The following KLHL32 variants were observed in gnomAD, a reference collection of about 807,000 sequenced individuals.
KLHL32 encodes kelch like family member 32.
Under a neutral mutation model 64.8 loss-of-function variants are expected in KLHL32, and 35 were observed. The ratio of observed to expected loss-of-function variants is 0.54; its 90% CI spans 0.41 to 0.72. The LOEUF (loss-of-function observed/expected upper bound fraction) is 0.72, where lower values mean the gene tolerates loss of function less well. Ranked by LOEUF, KLHL32 falls within the 30% of genes least tolerant of loss-of-function variation. The pLI, the probability that KLHL32 is intolerant of heterozygous loss-of-function variation, is 0.00. For missense variants in KLHL32, 589 were observed against 768.5 expected (o/e 0.77, Z 2.76); for synonymous variants, 259 against 281.0 (o/e 0.92, Z 0.78).
intron 3 of KLHL32, among the ~76,000 whole-genome samples, chr6:97,003,169 G>T (rs1460630853): frequency 1.3e-5 from 2 of 152,048 alleles, no homozygotes; most frequent in African/African-American, 4.8e-5. Flanking sequence ...GTTATTTTCT[G>T]ACTTTTTAAT....
At chr6:97,079,444 T>A (rs1792136752) in intron 5 of KLHL32, among the ~76,000 whole-genome samples, 2 of 152,192 alleles carry the variant, frequency 1.3e-5, no homozygotes, top group South Asian at 2.1e-4. Flanking sequence ...TAACTACACT[T>A]GAATATAAAC....
At chr6:96,932,205 AT>A (rs71012578) in intron 1 of KLHL32, among the ~76,000 whole-genome samples, 7,976 of 104,374 alleles carry the variant, frequency 0.076, 245 homozygotes, top group African/African-American at 0.11. Context: ...TGACTGGGTT[AT>A]TTTTTTTTTT....
Position 96,967,065 on chromosome 6 carries a change from C to A in KLHL32, c.5C>A (p.Pro2Gln). The stretch of plus-strand genomic sequence containing the variant: ...CCTGAGGAACCCAGCTGGAAAATGC[C>A]GTCTGAACGCTGCCTCAGGTATGCC... MPSERCLSIQEM... is the reference protein window; with the variant it reads MQSERCLSIQEM... The change falls in exon 2 of 11, where the codon CCG (proline) becomes CAG (glutamine). Residue 2 changes from proline (P) to glutamine (Q), a missense_variant. Coordinates refer to ENST00000369261, the MANE Select transcript of KLHL32 (RefSeq NM_052904.4). 1 of 1,613,666 alleles carries A rather than the reference C, an allele frequency of 6.2e-7. No homozygotes were observed. Among genetic ancestry groups the A allele is most frequent in the Non-Finnish European group, 8.5e-7 (1 of 1,179,800 alleles).
At chr6:96,950,388 T>C (rs1467711716) in intron 1 of KLHL32, among the ~76,000 whole-genome samples, 1 of 152,120 alleles carries the variant, frequency 6.6e-6, no homozygotes, top group Middle Eastern at 3.2e-3. Context: ...AACATGAAGC[T>C]CAACCCAGCT....
intron 3 of KLHL32, chr6:97,010,192 T>C (rs751429665): frequency 4.0e-5 from 6 of 148,440 alleles, no homozygotes; most frequent in Non-Finnish European, 8.9e-5. Flanking sequence ...CTCTATGCCA[T>C]GCTCCTGGTT....
upstream of KLHL32, among the ~76,000 whole-genome samples, chr6:96,922,250 A>G (rs1215561047): frequency 6.6e-6 from 1 of 152,170 alleles, no homozygotes; most frequent in Non-Finnish European, 1.5e-5. Flanking sequence ...GCAGACTACA[A>G]CTGGGAGTAC....
chr6:97,118,446 C>T (rs1354838801), intron 7 of KLHL32, among the ~76,000 whole-genome samples: 4 of 151,942 alleles, frequency 2.6e-5, no homozygotes, highest in Non-Finnish European at 5.9e-5. Flanking sequence ...TGGTGAAACC[C>T]CATCTCTACT....
At chr6:96,944,111 A>T (rs1370133264) in intron 1 of KLHL32, among the ~76,000 whole-genome samples, 1 of 152,212 alleles carries the variant, frequency 6.6e-6, no homozygotes, top group Non-Finnish European at 1.5e-5. Flanking sequence ...GCTCATCGTT[A>T]TATCAAAGAT....
chr6:97,123,829 G>A (rs1798615812), intron 7 of KLHL32, among the ~76,000 whole-genome samples: 1 of 152,202 alleles, frequency 6.6e-6, no homozygotes, highest in Admixed American at 6.5e-5. Flanking sequence ...ACCCAGAGCA[G>A]ACAAATCAGC....
chr6:97,044,835 T>A (rs1300832758), intron 4 of KLHL32, among the ~76,000 whole-genome samples: 2 of 151,942 alleles, frequency 1.3e-5, no homozygotes, highest in Non-Finnish European at 2.9e-5. Flanking sequence ...GTCCTTTGTA[T>A]GTCTATGATA....
At chr6:96,968,580 T>G (rs1051575151) in intron 2 of KLHL32, among the ~76,000 whole-genome samples, 3 of 152,188 alleles carry the variant, frequency 2.0e-5, no homozygotes, top group Non-Finnish European at 4.4e-5. Context: ...CTTTTAAGTC[T>G]GCCATCCCGT....
chr6:97,020,201 A>G (rs1280737369), intron 3 of KLHL32, among the ~76,000 whole-genome samples: 1 of 126,630 alleles, frequency 7.9e-6, no homozygotes. Context: ...TCGGCCTCCC[A>G]AAGTGCTGGG....
intron 2 of KLHL32, among the ~76,000 whole-genome samples, chr6:96,971,720 T>C (rs1164307925): frequency 2.6e-5 from 4 of 152,090 alleles, no homozygotes; most frequent in African/African-American, 9.6e-5. Context: ...CTAAAGCCGT[T>C]ACAGTGTTCA....
At chr6:97,026,765 G>T (rs749436640) in intron 3 of KLHL32, among the ~76,000 whole-genome samples, 4 of 152,176 alleles carry the variant, frequency 2.6e-5, no homozygotes, top group South Asian at 2.1e-4. Context: ...TTTTAAGAGC[G>T]ATCATTAGTT....
At chr6:97,121,635 G>A (rs572121126) in intron 7 of KLHL32, among the ~76,000 whole-genome samples, 1 of 151,892 alleles carries the variant, frequency 6.6e-6, no homozygotes, top group South Asian at 2.1e-4. Flanking sequence ...GTAAAGTTTT[G>A]TTTTGTTTTG....
At chr6:96,989,734 A>G (rs1777623144) in intron 3 of KLHL32, among the ~76,000 whole-genome samples, 1 of 152,238 alleles carries the variant, frequency 6.6e-6, no homozygotes, top group South Asian at 2.1e-4. Flanking sequence ...TTCCAGGGAT[A>G]CCAATTTGTC....
Position 96,938,414 on chromosome 6 carries a change from C to T in KLHL32, c.-66+13388C>T, listed in dbSNP as rs188988535. On this transcript the variant is annotated intron_variant, in intron 1 of 10. Coordinates refer to ENST00000369261, the MANE Select transcript of KLHL32 (RefSeq NM_052904.4). ...GGGCAGGGCTGGGCCCCACAGTGGA[C>T]ACCTTCTCTTCTGGGCTCCACCTTC... Among the ~76,000 whole-genome samples the T allele has an allele frequency of 2.8e-3, 419 of 152,314 alleles. 2 individuals are homozygous for T. The highest frequency in any genetic ancestry group is 4.1e-3 in the Non-Finnish European group (279 of 68,040).
chr6:96,988,843 C>G (rs1198579782), intron 3 of KLHL32, among the ~76,000 whole-genome samples: 1 of 152,050 alleles, frequency 6.6e-6, no homozygotes, highest in Non-Finnish European at 1.5e-5. Context: ...TCTCAGCAAA[C>G]TGTTGCAAGG....
intron 4 of KLHL32, among the ~76,000 whole-genome samples, chr6:97,053,414 T>C (rs1204417923): frequency 2.0e-5 from 3 of 152,090 alleles, no homozygotes; most frequent in African/African-American, 7.2e-5. Flanking sequence ...ATTTCCCAAA[T>C]TTTTTTCCTC....
Sources: allele counts gnomAD v4.1 joint callset (sites outside exome capture counted in the v4.1 genomes callset), GRCh38; gene constraint gnomAD v4.1.1; transcripts MANE v1.5; gene names NCBI Gene and HGNC (gene_info 2026-07-23, HGNC 2026-07-21).